Variants in TIGIT observed in about 807,000 individuals in gnomAD.
TIGIT encodes T-cell immunoreceptor with Ig and ITIM domains.
TIGIT carries 11 observed loss-of-function variants against 19.6 expected under a neutral mutation model. The observed-to-expected ratio is 0.56, with a 90% CI of 0.35 to 0.93. The LOEUF is 0.93. Ranked by LOEUF, TIGIT falls within the 40% of genes least tolerant of loss-of-function variation. The pLI is 0.01. For synonymous variants in TIGIT, 130 were observed against 125.5 expected, an observed-to-expected ratio of 1.04 and a Z score of -0.24; for missense variants, 295 against 303.9, an observed-to-expected ratio of 0.97 and a Z score of 0.22.
At chr3:114,295,444 CA>C in intron 1 of TIGIT, 100 bp from the exon 2 acceptor site, 1 of 873,082 alleles carries the variant, frequency 1.1e-6, no homozygotes, top group Non-Finnish European at 1.8e-6. Context: ...ACTATCATTC[CA>C]AAATCCAGTT....
chr3:114,303,582 T>C (rs1353246275), intron 3 of TIGIT, among the ~76,000 whole-genome samples: 7,053 of 19,196 alleles, frequency 0.37, 612 homozygotes, highest in Middle Eastern at 0.51. Flanking sequence ...TGTATATATA[T>C]ATATACATAT....
chr3:114,307,151 C>T (rs2078540370), intron 3 of TIGIT, among the ~76,000 whole-genome samples: 1 of 94,538 alleles, frequency 1.1e-5, no homozygotes, highest in Admixed American at 1.1e-4. Context: ...TAAACCAGGG[C>T]AGTGAATATA....
intron 1 of TIGIT, among the ~76,000 whole-genome samples, 191 bp downstream of exon 1, chr3:114,294,313 G>C (rs1256270875): frequency 6.6e-6 from 1 of 152,140 alleles, no homozygotes; most frequent in Non-Finnish European, 1.5e-5. Context: ...GTGGGGTTCT[G>C]TTTTTGGTGG....
At chr3:114,296,422 C>A (rs2078454127) in intron 2 of TIGIT, among the ~76,000 whole-genome samples, 1 of 152,158 alleles carries the variant, frequency 6.6e-6, no homozygotes, top group African/African-American at 2.4e-5. Flanking sequence ...ATCTGAGAGA[C>A]AGTATAGCAC....
chr3:114,305,842 A>ATGGG (rs1453384801), intron 3 of TIGIT, among the ~76,000 whole-genome samples: 37 of 149,342 alleles, frequency 2.5e-4, no homozygotes, highest in East Asian at 1.5e-3. Context: ...GGATGGATGG[A>ATGGG]TGGGTGGGTG....
intron 3 of TIGIT, among the ~76,000 whole-genome samples, chr3:114,306,415 G>C (rs893845400): frequency 6.6e-6 from 1 of 152,096 alleles, no homozygotes; most frequent in African/African-American, 2.4e-5. Flanking sequence ...AATTAGCTAT[G>C]ACAGGCACAA....
intron 3 of TIGIT, among the ~76,000 whole-genome samples, chr3:114,303,597 GTATATA>G (rs368266926): frequency 2.5e-4 from 2 of 7,874 alleles, no homozygotes; most frequent in South Asian, 3.4e-3. Flanking sequence ...ACATATATAT[GTATATA>G]TATATATACA....
At chr3:114,296,694 G>A (rs931747012) in intron 2 of TIGIT, among the ~76,000 whole-genome samples, 1 of 152,122 alleles carries the variant, frequency 6.6e-6, no homozygotes, top group Non-Finnish European at 1.5e-5. Flanking sequence ...TTTGATGCAG[G>A]CAGAAGCTGG....
At chr3:114,303,006 T>C (rs952429108) in intron 3 of TIGIT, among the ~76,000 whole-genome samples, 2 of 152,234 alleles carry the variant, frequency 1.3e-5, no homozygotes, top group East Asian at 1.9e-4. Context: ...CTATAGATTA[T>C]ATACAAATGA....
rs1027474345 is a variant in TIGIT at position 114,308,234 on chromosome 3, T to C, written c.*103T>C. The C allele has an allele frequency of 1.2e-6, 1 of 843,516 alleles. No homozygotes were observed. The highest frequency in any genetic ancestry group is 2.1e-5 in the Admixed American group (1 of 47,726). 52.3% of individuals were successfully genotyped at this position (843,516 alleles called of 1,614,324 possible). ...TCAGTGCTGCGTGTGTGTGTGTGTG[T>C]GTATGTGTGTGTGTGTTCAGTTGAG... On this transcript the variant is annotated 3_prime_UTR_variant, in exon 4 of 4. Coordinates refer to ENST00000383671, the MANE Select transcript of TIGIT (RefSeq NM_173799.4).
chr3:114,302,192 C>T lies in TIGIT; in HGVS notation c.498+2489C>T, dbSNP rs76640405. On this transcript the variant is annotated intron_variant, in intron 3 of 3. Transcript: ENST00000383671. ...CTCATCTCATTCCTCTCTCCATTCCCCTACTGTTGCTTTGCATTGGCTGAC... is the reference window on the plus strand; with the variant it reads ...CTCATCTCATTCCTCTCTCCATTCCTCTACTGTTGCTTTGCATTGGCTGAC... Among the ~76,000 whole-genome samples, 126 of 152,290 alleles carry T rather than the reference C, an allele frequency of 8.3e-4. No homozygotes were observed. The East Asian group carries it at 0.022, about 27-fold the overall frequency.
intron 2 of TIGIT, 118 bp from the exon 3 acceptor site, chr3:114,299,479 T>C: frequency 1.4e-6 from 1 of 710,962 alleles, no homozygotes; most frequent in Non-Finnish European, 2.5e-6. Flanking sequence ...TCCAGTCCCA[T>C]GGTTACACAA....
At chr3:114,296,497 C>A (rs1260499663) in intron 2 of TIGIT, among the ~76,000 whole-genome samples, 1 of 152,184 alleles carries the variant, frequency 6.6e-6, no homozygotes, top group Non-Finnish European at 1.5e-5. Flanking sequence ...CTGCTGTTGC[C>A]CTCAGACAGG....
In TIGIT at chr3:114,295,869, G is replaced by T. The variant is rs201068475; in HGVS notation, c.386G>T (p.Ser129Ile). The change falls in exon 2 of 4, where the codon AGC (serine) becomes ATC (isoleucine). Residue 129 changes from serine to isoleucine, a missense_variant. Physicochemically the swap from Ser to Ile is moderately radical, Grantham distance 142. Coordinates refer to ENST00000383671, the MANE Select transcript of TIGIT (RefSeq NM_173799.4). ...TGRIFLEVLESSVAEHGARFQ... is the reference protein window; with the variant it reads ...TGRIFLEVLEISVAEHGARFQ... ...AGAATCTTCCTGGAGGTCCTAGAAA[G>T]CTCAGGTATTCCTGCTGGAGCAAGT... 5 of 1,595,410 alleles carry T rather than the reference G, an allele frequency of 3.1e-6. No homozygotes were observed. Among genetic ancestry groups the T allele is most frequent in the Admixed American group, 1.7e-5 (1 of 58,934 alleles).
Position 114,295,641 on chromosome 3 carries a change from A to T in TIGIT, c.158A>T (p.Gln53Leu). The T allele has an allele frequency of 6.2e-7, 1 of 1,614,206 alleles. No individual in the cohort carries two copies. The highest frequency in any genetic ancestry group is 1.1e-5 in the South Asian group (1 of 91,084). ...LQCHLSSTTAQVTQVNWEQQD... is the reference protein window; with the variant it reads ...LQCHLSSTTALVTQVNWEQQD... ...TGTCACCTCTCCTCCACCACGGCAC[A>T]AGTGACCCAGGTCAACTGGGAGCAG... is the stretch of plus-strand genomic sequence containing the variant. The change falls in exon 2 of 4, where the codon CAA becomes CTA. Residue 53 changes from glutamine to leucine, a missense_variant. Transcript: ENST00000383671.
In TIGIT at chr3:114,308,368, T is replaced by C. The variant is rs1201665789; in HGVS notation, c.*237T>C. On this transcript the variant is annotated 3_prime_UTR_variant, in exon 4 of 4. Coordinates refer to ENST00000383671, the MANE Select transcript of TIGIT (RefSeq NM_173799.4). ...GAGTAACGTGGATCTTGATCATAAATGCAAAATTAAAAAATATCTTGACCT... is the reference window on the plus strand; with the variant it reads ...GAGTAACGTGGATCTTGATCATAAACGCAAAATTAAAAAATATCTTGACCT... 3 of 424,180 alleles carry C rather than the reference T, an allele frequency of 7.1e-6. No individual in the cohort carries two copies. Among genetic ancestry groups the C allele is most frequent in the African/African-American group, 4.0e-5 (2 of 49,664 alleles). The allele number at this position is 424,180 out of a possible 1,614,324, so 26.3% of individuals were successfully genotyped here.
In TIGIT at chr3:114,309,256, T is replaced by G. The variant is rs2078556305; in HGVS notation, c.*1125T>G. The G allele has an allele frequency of 6.6e-6, 1 of 152,242 alleles. No individual in the cohort carries two copies. The highest frequency in any genetic ancestry group is 2.1e-4 in the South Asian group (1 of 4,828). The allele number at this position is 152,242 out of a possible 1,614,324, so 9.4% of individuals were successfully genotyped here. ...TTCAAACTAACTTCTTCGAACCCTTTTATTCACTCCCTGACGACTTTGTGC... is the reference window on the plus strand; with the variant it reads ...TTCAAACTAACTTCTTCGAACCCTTGTATTCACTCCCTGACGACTTTGTGC... On this transcript the variant is annotated 3_prime_UTR_variant, in exon 4 of 4. Transcript: ENST00000383671.
At position 114,309,021 on chromosome 3, in the gene TIGIT, T is replaced by G. The variant is rs1364528786; in HGVS notation, c.*890T>G. On this transcript the variant is annotated 3_prime_UTR_variant, in exon 4 of 4. Coordinates refer to ENST00000383671, the MANE Select transcript of TIGIT (RefSeq NM_173799.4). ...TGTAGCCTCTTCCGGCCGTGTGTGC[T>G]GGGGAAGCCCCAGGAAACGCACATG... The G allele has an allele frequency of 2.0e-5, 3 of 152,292 alleles. No homozygotes were observed. Among genetic ancestry groups the G allele is most frequent in the Admixed American group, 6.5e-5 (1 of 15,290 alleles). The allele number at this position is 152,292 out of a possible 1,614,324, so 9.4% of individuals were successfully genotyped here. A position where few individuals can be genotyped will look rare whatever the true frequency, so the allele number is the denominator to read the frequency against.
chr3:114,305,463 A>C (rs1267648109), intron 3 of TIGIT, among the ~76,000 whole-genome samples: 1 of 152,222 alleles, frequency 6.6e-6, no homozygotes, highest in Non-Finnish European at 1.5e-5. Flanking sequence ...AGGAAGCAGT[A>C]TAGGGAGGGC....
Sources: allele counts gnomAD v4.1 joint callset (sites outside exome capture counted in the v4.1 genomes callset), GRCh38; gene constraint gnomAD v4.1.1; transcripts MANE v1.5; gene names NCBI Gene and HGNC (gene_info 2026-07-23, HGNC 2026-07-21).